MAP4K3: variants seen among roughly 807,000 people sequenced by gnomAD.
MAP4K3 encodes the protein MAPK/ERK kinase kinase kinase 3.
MAP4K3 carries 94 observed loss-of-function variants against 143.5 expected under a neutral mutation model. That is an observed-to-expected ratio of 0.65 (90% confidence interval 0.55 to 0.78). MAP4K3 has a LOEUF of 0.78. Among genes scored for constraint, MAP4K3 ranks in the 30% least tolerant of loss-of-function variants. The pLI is 0.00. For synonymous variants in MAP4K3, 416 were observed against 347.2 expected (o/e 1.20, Z -2.20); for missense variants, 1,077 against 1,068.1 (o/e 1.01, Z -0.12).
At chr2:39,300,606 G>T (rs939910823) in intron 15 of MAP4K3, among the ~76,000 whole-genome samples, 1 of 152,112 alleles carries the variant, frequency 6.6e-6, no homozygotes, top group Non-Finnish European at 1.5e-5. Flanking sequence ...CATTAAGGGG[G>T]AATATTTGAC....
Position 39,416,004 on chromosome 2 carries a change from TAA to T in MAP4K3, c.96+20886_96+20887del, listed in dbSNP as rs58992205. ...AAATATATATATATATATATATATA[TAA>T]AAATAACATTTGGAAGAATAAATTC... On this transcript the variant is annotated intron_variant, in intron 1 of 33. Transcript: ENST00000263881. Among the ~76,000 whole-genome samples the T allele has an allele frequency of 1.9e-3, 141 of 76,074 alleles. 4 individuals carry two copies. Among genetic ancestry groups the T allele is most frequent in the African/African-American group, 6.9e-3 (115 of 16,648 alleles). 49.9% of individuals were successfully genotyped at this position (76,074 alleles called of 152,430 possible).
At chr2:39,301,888 G>A (rs1272742049) in intron 15 of MAP4K3, among the ~76,000 whole-genome samples, 1 of 152,048 alleles carries the variant, frequency 6.6e-6, no homozygotes, top group Non-Finnish European at 1.5e-5. Flanking sequence ...GCTGGGCGTG[G>A]TGGCTCGCGC....
rs146264017 is a variant in MAP4K3, at chr2:39,329,224, T to C, written c.530+2693A>G. 4.3e-3 allele frequency among the ~76,000 whole-genome samples: 653 copies of C among 152,248 alleles called. 4 individuals carry two copies. The highest frequency in any genetic ancestry group is 0.015 in the African/African-American group (622 of 41,536). ...TAGAATCAAGTCAGATCCTGAAGAT[T>C]TAATGAGATGTTTACAATAAAACTG... On this transcript the variant is annotated intron_variant, in intron 8 of 33. Coordinates refer to ENST00000263881, the MANE Select transcript of MAP4K3 (RefSeq NM_003618.4).
intron 29 of MAP4K3, among the ~76,000 whole-genome samples, chr2:39,259,866 T>G (rs1334468525): frequency 6.6e-6 from 1 of 152,216 alleles, no homozygotes; most frequent in Non-Finnish European, 1.5e-5. Context: ...TTTACGGGTT[T>G]CCTATACACA....
chr2:39,295,986 G>A (rs1030927299), intron 16 of MAP4K3, among the ~76,000 whole-genome samples: 1 of 151,942 alleles, frequency 6.6e-6, no homozygotes, highest in Non-Finnish European at 1.5e-5. Flanking sequence ...CCCAGTGTTG[G>A]GATTACAGGT....
intron 22 of MAP4K3, 138 bp downstream of exon 22, chr2:39,282,375 G>A (rs1681574931): frequency 1.4e-6 from 1 of 709,838 alleles, no homozygotes; most frequent in Non-Finnish European, 2.4e-6. Context: ...ACACATGCCT[G>A]TAATTAAATT....
intron 13 of MAP4K3, among the ~76,000 whole-genome samples, chr2:39,314,657 G>A (rs371658527): frequency 5.3e-5 from 8 of 152,142 alleles, no homozygotes; most frequent in East Asian, 3.9e-4. Context: ...ACTATTGTTC[G>A]AGGGATTCTT....
At chr2:39,289,667 G>C (rs1352939541) in intron 19 of MAP4K3, among the ~76,000 whole-genome samples, 2 of 152,164 alleles carry the variant, frequency 1.3e-5, no homozygotes, top group Non-Finnish European at 2.9e-5. Context: ...GTCAGGAATA[G>C]GTTGCAGATT....
At chr2:39,252,017 T>C in intron 32 of MAP4K3, 132 bp from the exon 33 acceptor site, 1 of 666,636 alleles carries the variant, frequency 1.5e-6, no homozygotes, top group Non-Finnish European at 2.7e-6. Context: ...TGACTGTTTG[T>C]TAAAGTCAGC....
intron 1 of MAP4K3, among the ~76,000 whole-genome samples, chr2:39,405,004 T>C (rs72931107): frequency 0.026 from 3,911 of 152,288 alleles, 179 homozygotes; most frequent in African/African-American, 0.09. Context: ...CTCCTCAACC[T>C]GAAGGGAAGG....
intron 1 of MAP4K3, among the ~76,000 whole-genome samples, chr2:39,436,334 T>C (rs1379320884): frequency 2.1e-5 from 3 of 145,760 alleles, no homozygotes; most frequent in Admixed American, 6.8e-5. Context: ...AAAAAAAAAG[T>C]CATTACTCTG....
At chr2:39,290,440 TATC>T (rs1217207576) in intron 18 of MAP4K3, 106 bp from the exon 19 acceptor site, 22 of 682,614 alleles carry the variant, frequency 3.2e-5, no homozygotes, top group Non-Finnish European at 5.1e-5. Flanking sequence ...CAAAGACAAA[TATC>T]ATTTTCTAAG....
chr2:39,362,033 T>A (rs1665785543), intron 2 of MAP4K3, among the ~76,000 whole-genome samples: 1 of 152,140 alleles, frequency 6.6e-6, no homozygotes, highest in Non-Finnish European at 1.5e-5. Flanking sequence ...CCTTATGAAT[T>A]AATAACTGTA....
intron 26 of MAP4K3, among the ~76,000 whole-genome samples, chr2:39,268,634 A>T (rs1305861663): frequency 0.01 from 751 of 73,650 alleles, 3 homozygotes; most frequent in Admixed American, 0.013. Context: ...GATTTTTTCT[A>T]TTTTTTTTTT....
chr2:39,430,711 G>C (rs1241146255), intron 1 of MAP4K3, among the ~76,000 whole-genome samples: 2 of 152,140 alleles, frequency 1.3e-5, no homozygotes, highest in African/African-American at 4.8e-5. Flanking sequence ...AGTTCAAAAT[G>C]ACGGAGTATC....
chr2:39,299,813 A>C lies in MAP4K3; in HGVS notation c.1120-12T>G. ...TCCAGTTGCAGATCCTAATAGTACA[A>C]AATAAAATATTTAGCACAATAGTAG... On this transcript the variant is annotated splice_polypyrimidine_tract_variant and intron_variant, in intron 15 of 33. Coordinates refer to ENST00000263881, the MANE Select transcript of MAP4K3 (RefSeq NM_003618.4). 1 of 1,504,924 alleles carries C rather than the reference A, an allele frequency of 6.6e-7. No individual in the cohort carries two copies. Among genetic ancestry groups the C allele is most frequent in the Non-Finnish European group, 9.0e-7 (1 of 1,110,186 alleles). 93.2% of individuals were successfully genotyped at this position (1,504,924 alleles called of 1,614,324 possible). A position where few individuals can be genotyped will look rare whatever the true frequency, so the allele number is the denominator to read the frequency against.
At chr2:39,404,624 T>C (rs1178733940) in intron 1 of MAP4K3, among the ~76,000 whole-genome samples, 6 of 147,258 alleles carry the variant, frequency 4.1e-5, no homozygotes, top group Admixed American at 6.7e-5. Flanking sequence ...TTTCTTTTTT[T>C]TTTTTTTTTT....
At chr2:39,325,416 C>T (rs549473634) in intron 12 of MAP4K3, 102 bp downstream of exon 12, 2 of 636,100 alleles carry the variant, frequency 3.1e-6, no homozygotes, top group Middle Eastern at 4.6e-4. Context: ...TTAAACTAGG[C>T]CCCAAAATTA....
chr2:39,295,581 A>G (rs1205593853), intron 16 of MAP4K3, among the ~76,000 whole-genome samples: 1 of 152,118 alleles, frequency 6.6e-6, no homozygotes, highest in Non-Finnish European at 1.5e-5. Flanking sequence ...GTGAAAAAAT[A>G]CTTTTTTGTT....
Sources: gnomAD v4.1 joint callset for allele counts (sites outside exome capture counted in the v4.1 genomes callset) on GRCh38, gnomAD v4.1.1 for gene constraint, MANE v1.5 for transcripts, NCBI Gene and HGNC (gene_info 2026-07-23, HGNC 2026-07-21) for gene names.